The following EPG5 variants were observed in gnomAD, a reference collection of about 807,000 sequenced individuals.
The protein encoded by EPG5 is ectopic P granules protein 5 homolog.
Under a neutral mutation model 302.7 loss-of-function variants are expected in EPG5, and 159 were observed. The observed-to-expected ratio is 0.53, with a 90% CI of 0.46 to 0.60. The LOEUF is 0.60. Ranked by LOEUF, EPG5 falls within the 20% of genes least tolerant of loss-of-function variation. EPG5 has a pLI of 0.00. For missense variants in EPG5, 2,896 were observed against 3,092.4 expected (o/e 0.94, Z 1.51); for synonymous variants, 1,158 against 1,136.8 (o/e 1.02, Z -0.37).
intron 27 of EPG5, among the ~76,000 whole-genome samples, chr18:45,892,590 A>G (rs964455874): frequency 6.6e-6 from 1 of 152,192 alleles, no homozygotes; most frequent in Non-Finnish European, 1.5e-5. Context: ...TACCCACAAT[A>G]CCAAAGTACA....
At chr18:45,834,134 A>G in the EPG5 span, among the ~76,000 whole-genome samples, 1 of 152,110 alleles carries the variant, frequency 6.6e-6, no homozygotes, top group African/African-American at 2.4e-5. Context: ...TCCCTTTCTC[A>G]AGGCTCTGCT....
chr18:45,949,126 G>A (rs972775917), intron 5 of EPG5, among the ~76,000 whole-genome samples: 1 of 152,162 alleles, frequency 6.6e-6, no homozygotes, highest in African/African-American at 2.4e-5. Flanking sequence ...GGTGGCTTCT[G>A]TTTGACCTGT....
intron 10 of EPG5, among the ~76,000 whole-genome samples, chr18:45,938,520 T>C (rs1019199988): frequency 6.6e-6 from 1 of 151,640 alleles, no homozygotes; most frequent in African/African-American, 2.4e-5. Flanking sequence ...TTAGACTCAA[T>C]GCCTTCACAG....
In EPG5 at chr18:45,951,085, T is replaced by C; in HGVS notation, c.1389+17A>G. 1 of 1,537,864 alleles carries C rather than the reference T, an allele frequency of 6.5e-7. No individual in the cohort carries two copies. Among genetic ancestry groups the C allele is most frequent in the Non-Finnish European group, 8.7e-7 (1 of 1,143,472 alleles). ...GAAATAAAACAAAGACTACTGTGTC[T>C]ATCTCTGTCCCCTTACCAATTTCTG... On this transcript the variant is annotated intron_variant, in intron 4 of 43. Transcript: ENST00000282041.
At chr18:45,937,510 G>A (rs905174060) in intron 10 of EPG5, among the ~76,000 whole-genome samples, 1 of 152,138 alleles carries the variant, frequency 6.6e-6, no homozygotes, top group Non-Finnish European at 1.5e-5. Context: ...GGGTTCAAGC[G>A]ATTCTTCTGC....
chr18:45,803,653 A>G, the EPG5 span, among the ~76,000 whole-genome samples: 1 of 152,132 alleles, frequency 6.6e-6, no homozygotes, highest in Non-Finnish European at 1.5e-5. Flanking sequence ...TCCATGTATA[A>G]AGTCTGCCCC....
Position 45,944,191 on chromosome 18 carries a change from T to C in EPG5, c.1678-72A>G, listed in dbSNP as rs1339075474. On this transcript the variant is annotated intron_variant, in intron 7 of 43. Coordinates refer to ENST00000282041, the MANE Select transcript of EPG5 (RefSeq NM_020964.3). ...CACTATGATCTAGCGTTACAGGAGC[T>C]AAATTATCACAGGTCTCAATGGTAT... 7.6e-6 allele frequency: 7 copies of C among 923,854 alleles called. No individual in the cohort carries two copies. The Admixed American group carries it at 1.3e-4, about 17-fold the overall frequency. 57.2% of individuals were successfully genotyped at this position (923,854 alleles called of 1,614,324 possible). A position where few individuals can be genotyped will look rare whatever the true frequency, so the allele number is the denominator to read the frequency against.
In EPG5 at chr18:45,854,000, A is replaced by G. The variant is rs185109139; in HGVS notation, c.7558-1351T>C. Among the ~76,000 whole-genome samples the G allele has an allele frequency of 3.9e-5, 6 of 152,356 alleles. No homozygotes were observed. In the East Asian group the frequency reaches 9.6e-4, roughly 25 times the overall value. ...GTATGTATGGGACATACAGGGAGTC[A>G]TCACTTTAAGTCCAAAGAAATGAAG... On this transcript the variant is annotated intron_variant, in intron 43 of 43. Transcript: ENST00000282041.
rs541612814 is a variant in EPG5, at chr18:45,876,045, A to G, written c.6049+191T>C. Among the ~76,000 whole-genome samples the G allele has an allele frequency of 2.9e-4, 44 of 151,896 alleles. 1 individual carries two copies. In the East Asian group the frequency reaches 8.5e-3, roughly 29 times the overall value. Reference sequence around the variant, plus strand: ...GCACTCCAGCCTGGGCGACAGAGCAAGACTCCATCTCCAAAAGAAAAAAAA... The same window carrying G: ...GCACTCCAGCCTGGGCGACAGAGCAGGACTCCATCTCCAAAAGAAAAAAAA... On this transcript the variant is annotated intron_variant, in intron 35 of 43. Transcript: ENST00000282041.
chr18:45,929,129 T>C, intron 12 of EPG5, 120 bp from the exon 13 acceptor site: 1 of 1,035,364 alleles, frequency 9.7e-7, no homozygotes, highest in South Asian at 1.7e-5. Context: ...TAATTGACAC[T>C]ATGTTCCAAA....
At chr18:45,912,491 A>G (rs778573868) in intron 21 of EPG5, 35 bp from the exon 22 acceptor site, 2 of 1,567,104 alleles carry the variant, frequency 1.3e-6, no homozygotes, top group Non-Finnish European at 1.7e-6. Flanking sequence ...TAGCCACAAA[A>G]TGAACATAAA....
chr18:45,894,747 G>A (rs1423313737), intron 27 of EPG5, among the ~76,000 whole-genome samples: 1 of 151,062 alleles, frequency 6.6e-6, no homozygotes, highest in Non-Finnish European at 1.5e-5. Flanking sequence ...GTTGTGTTTA[G>A]AAAAATGCAG....
At chr18:45,891,231 G>A (rs185519484) in intron 27 of EPG5, among the ~76,000 whole-genome samples, 55 of 151,678 alleles carry the variant, frequency 3.6e-4, no homozygotes, top group African/African-American at 1.3e-3. Flanking sequence ...AGGCATGGTG[G>A]CTCACACCTG....
In EPG5 at chr18:45,930,732, T is replaced by C; in HGVS notation, c.2356A>G (p.Arg786Gly). Residue 786 changes from arginine to glycine, a missense_variant, in exon 12 of 44, where the codon AGA (arginine) becomes GGA (glycine). Arg to Gly is a moderately radical substitution (Grantham distance 125). This residue lies in a region of EPG5 where 1,390 missense variants were observed against 1,430.0 expected (regional missense o/e 0.97). Transcript: ENST00000282041. Reference protein sequence around the residue: ...LTTFAQMAQARRTNVDEDFIK... With the variant: ...LTTFAQMAQAGRTNVDEDFIK... ...AAGTCTTCGTCCACATTGGTTCTTC[T>C]GGCCTGAGCCATCTGAGCAAAGGTA... The C allele has an allele frequency of 1.2e-6, 2 of 1,610,316 alleles. No individual in the cohort carries two copies. Among genetic ancestry groups the C allele is most frequent in the Non-Finnish European group, 8.5e-7 (1 of 1,178,732 alleles).
Position 45,955,298 on chromosome 18 carries a change from C to G in EPG5, c.104G>C (p.Ser35Thr), listed in dbSNP as rs145177562. The G allele has an allele frequency of 6.2e-7, 1 of 1,610,888 alleles. No individual in the cohort carries two copies. The highest frequency in any genetic ancestry group is 1.7e-5 in the Admixed American group (1 of 59,286). ...GGAGGTTTTTGGAAGGGAGACTTCA[C>G]TGGACTCTTCCCTCTGAGGAGTTTC... is the stretch of plus-strand genomic sequence containing the variant. ...KYETPQREES[S>T]EVSLPKTSRE... is the part of the protein sequence containing the mutation. Residue 35 changes from serine to threonine, a missense_variant, in exon 2 of 44, where the codon AGT (serine) becomes ACT (threonine). Around this residue, in one of 5 missense-constraint regions of EPG5, gnomAD observed 1,390 missense variants for 1,430.0 expected, o/e 0.97. Coordinates refer to ENST00000282041, the MANE Select transcript of EPG5 (RefSeq NM_020964.3).
At chr18:45,880,257 C>A in intron 31 of EPG5, 34 bp from the exon 32 acceptor site, 1 of 1,526,040 alleles carries the variant, frequency 6.6e-7, no homozygotes, top group Non-Finnish European at 8.8e-7. Flanking sequence ...AAGTCAGTGG[C>A]TTTCCCGAAA....
At chr18:45,894,366 A>C (rs2049421934) in intron 27 of EPG5, among the ~76,000 whole-genome samples, 1 of 152,126 alleles carries the variant, frequency 6.6e-6, no homozygotes. Context: ...AGGCTGAGGC[A>C]GGAGAATTGT....
At chr18:45,899,297 G>C in intron 27 of EPG5, 107 bp downstream of exon 27, 1 of 1,300,784 alleles carries the variant, frequency 7.7e-7, no homozygotes, top group Non-Finnish European at 1.1e-6. Flanking sequence ...TAAATGTTTG[G>C]GACACAGACA....
At chr18:45,900,317 G>A (rs1182808322) in intron 26 of EPG5, among the ~76,000 whole-genome samples, 2 of 151,342 alleles carry the variant, frequency 1.3e-5, no homozygotes, top group Non-Finnish European at 2.9e-5. Flanking sequence ...CAGGAGAATG[G>A]CGTGAACTCG....
Sources: allele counts gnomAD v4.1 joint callset (sites outside exome capture counted in the v4.1 genomes callset), GRCh38; gene constraint gnomAD v4.1.1; regional missense constraint gnomAD v4.1.1; transcripts MANE v1.5; gene names NCBI Gene and HGNC (gene_info 2026-07-23, HGNC 2026-07-21).